PDE1A: variants seen among roughly 807,000 people sequenced by gnomAD.
PDE1A encodes dual specificity calcium/calmodulin-dependent 3',5'-cyclic nucleotide phosphodiesterase 1A.
Under a neutral mutation model 61.7 loss-of-function variants are expected in PDE1A, and 35 were observed. That is an observed-to-expected ratio of 0.57 (90% CI 0.43 to 0.75). PDE1A has a LOEUF of 0.75. Among genes scored for constraint, PDE1A ranks in the 30% least tolerant of loss-of-function variants. The pLI, the probability that PDE1A is intolerant of heterozygous loss-of-function variation, is 0.00. For missense variants in PDE1A, 597 were observed against 630.6 expected (o/e 0.95, Z 0.57); for synonymous variants, 232 against 213.2 (o/e 1.09, Z -0.77).
the PDE1A span, among the ~76,000 whole-genome samples, chr2:182,691,183 A>G: frequency 6.6e-6 from 1 of 152,194 alleles, no homozygotes; most frequent in Non-Finnish European, 1.5e-5. Flanking sequence ...AAACTACTTT[A>G]AAGTTCATAT....
At chr2:182,147,129 A>T (rs1341002832) in exon 14 of PDE1A, 1 of 1,604,458 alleles carries the variant, frequency 6.2e-7, no homozygotes, top group Non-Finnish European at 8.5e-7. Flanking sequence ...AAGTCTTCTG[A>T]GTTCTTATGA....
intron 2 of PDE1A, among the ~76,000 whole-genome samples, chr2:182,468,684 A>T (rs946639287): frequency 3.3e-5 from 5 of 151,982 alleles, no homozygotes; most frequent in Non-Finnish European, 7.4e-5. Context: ...TTTTCAATTT[A>T]CTTTGCTCAG....
downstream of PDE1A, chr2:182,167,873 G>T: frequency 9.7e-7 from 1 of 1,032,524 alleles, no homozygotes; most frequent in Non-Finnish European, 1.2e-6. Flanking sequence ...TTTAGAAAAG[G>T]GACAATCTAA....
the PDE1A span, among the ~76,000 whole-genome samples, chr2:182,545,144 T>C: frequency 2.0e-5 from 3 of 152,126 alleles, no homozygotes; most frequent in African/African-American, 7.2e-5. Flanking sequence ...CAGACACAAG[T>C]GTAAGAATAG....
chr2:182,636,228 G>T, the PDE1A span, among the ~76,000 whole-genome samples: 1 of 152,030 alleles, frequency 6.6e-6, no homozygotes, highest in Non-Finnish European at 1.5e-5. Context: ...AAAGTGCTGG[G>T]ATTACAGGCG....
chr2:182,311,296 T>G (rs1030551546), intron 1 of PDE1A, among the ~76,000 whole-genome samples: 1 of 152,238 alleles, frequency 6.6e-6, no homozygotes, highest in African/African-American at 2.4e-5. Context: ...TTCTCTACTA[T>G]TAATCAGTTC....
downstream of PDE1A, chr2:182,146,894 T>C: frequency 2.4e-6 from 1 of 408,620 alleles, no homozygotes. Flanking sequence ...AGTTTACCTG[T>C]TAAGATTTTG....
chr2:182,523,831 T>C (rs1690700491), upstream of PDE1A, among the ~76,000 whole-genome samples: 3 of 152,148 alleles, frequency 2.0e-5, no homozygotes, highest in Non-Finnish European at 4.4e-5. Flanking sequence ...TATTAACAAT[T>C]AGTCTTCCAA....
At chr2:182,325,746 C>T (rs1431284201) in intron 1 of PDE1A, among the ~76,000 whole-genome samples, 1 of 151,938 alleles carries the variant, frequency 6.6e-6, no homozygotes, top group Non-Finnish European at 1.5e-5. Flanking sequence ...GGTGAAACCC[C>T]GTCTCTACTA....
chr2:182,702,003 A>T, the PDE1A span, among the ~76,000 whole-genome samples: 3 of 152,374 alleles, frequency 2.0e-5, no homozygotes, highest in East Asian at 5.8e-4. Flanking sequence ...GTTTCTCTTA[A>T]AGAAACCAAT....
chr2:182,381,639 C>G (rs1700743142), intron 1 of PDE1A, among the ~76,000 whole-genome samples: 1 of 152,034 alleles, frequency 6.6e-6, no homozygotes, highest in Non-Finnish European at 1.5e-5. Flanking sequence ...GGGTGAAACT[C>G]CATCTCTAAT....
chr2:182,230,716 ATTTC>A (rs2125642265), intron 5 of PDE1A, among the ~76,000 whole-genome samples: 1 of 152,254 alleles, frequency 6.6e-6, no homozygotes, highest in African/African-American at 2.4e-5. Flanking sequence ...GAGTAGTCAT[ATTTC>A]TTTAAGACAT....
At chr2:182,207,247 T>C (rs1034535253) in intron 7 of PDE1A, among the ~76,000 whole-genome samples, 1 of 152,172 alleles carries the variant, frequency 6.6e-6, no homozygotes, top group African/African-American at 2.4e-5. Flanking sequence ...GAAGACTAGG[T>C]TGAGGACGTC....
chr2:182,229,632 G>T lies in PDE1A; in HGVS notation c.675+374C>A, dbSNP rs111798953. ...GAGTAAGAGAGCAAAAGCGACTAAG[G>T]TCAGGTTAGGAGCACATAAGGAATG... On this transcript the variant is annotated intron_variant, in intron 6 of 13. Coordinates refer to ENST00000351439, the Ensembl canonical transcript of PDE1A. 7.2e-5 allele frequency among the ~76,000 whole-genome samples: 11 copies of T among 152,230 alleles called. 1 individual carries two copies. The highest frequency in any genetic ancestry group is 2.2e-4 in the African/African-American group (9 of 41,546).
chr2:182,710,431 C>T, the PDE1A span, among the ~76,000 whole-genome samples: 4 of 152,190 alleles, frequency 2.6e-5, no homozygotes, highest in Admixed American at 1.3e-4. Context: ...ACTATAGTCA[C>T]TAGGCTGTAT....
chr2:182,387,950 G>C (rs1268631962), intron 1 of PDE1A, among the ~76,000 whole-genome samples: 1 of 152,092 alleles, frequency 6.6e-6, no homozygotes, highest in East Asian at 1.9e-4. Flanking sequence ...TACTTCAACT[G>C]TAAGGAAACA....
chr2:182,422,271 T>C (rs910349282), intron 1 of PDE1A, among the ~76,000 whole-genome samples: 3 of 152,242 alleles, frequency 2.0e-5, no homozygotes, highest in African/African-American at 7.2e-5. Context: ...CAAAAAGTTG[T>C]CAGTTCCAAA....
chr2:182,631,553 A>C, the PDE1A span, among the ~76,000 whole-genome samples: 12 of 152,194 alleles, frequency 7.9e-5, no homozygotes, highest in Non-Finnish European at 1.6e-4. Context: ...CCCCCCAGAA[A>C]CAATGTTTCA....
chr2:182,457,376 T>C (rs1685995211), intron 2 of PDE1A, among the ~76,000 whole-genome samples: 2 of 152,000 alleles, frequency 1.3e-5, no homozygotes, highest in Admixed American at 1.3e-4. Context: ...GTTAAACAGG[T>C]AGAAAACTGT....
Sources: gnomAD v4.1 joint callset for allele counts (sites outside exome capture counted in the v4.1 genomes callset) on GRCh38, gnomAD v4.1.1 for gene constraint, MANE v1.5 for transcripts, NCBI Gene and HGNC (gene_info 2026-07-23, HGNC 2026-07-21) for gene names.